SPAST: variants seen among roughly 807,000 people sequenced by gnomAD.
SPAST encodes the protein spastin.
SPAST carries 30 observed loss-of-function variants against 76.6 expected under a neutral mutation model. The ratio of observed to expected loss-of-function variants is 0.39; its 90% CI spans 0.29 to 0.53. The LOEUF (loss-of-function observed/expected upper bound fraction) is 0.53. Ranked by LOEUF, SPAST falls within the 20% of genes least tolerant of loss-of-function variation. SPAST has a pLI of 0.68. For synonymous variants in SPAST, 305 were observed against 281.0 expected, an observed-to-expected ratio of 1.09 and a Z score of -0.86; for missense variants, 717 against 770.5, an observed-to-expected ratio of 0.93 and a Z score of 0.82.
At chr2:32,131,671 CTTTTTTTTTTTT>C (rs541036416) in intron 9 of SPAST, among the ~76,000 whole-genome samples, 1 of 108,014 alleles carries the variant, frequency 9.3e-6, no homozygotes, top group African/African-American at 3.5e-5. Flanking sequence ...CAACCATTCT[CTTTTTTTTTTTT>C]TTTTTTTTTG....
At chr2:32,081,781 C>CAAAAAAAAAAAAAAAAAAAAAAAA (rs34078147) in intron 1 of SPAST, among the ~76,000 whole-genome samples, 6 of 44,380 alleles carry the variant, frequency 1.4e-4, no homozygotes, top group South Asian at 1.4e-3. Flanking sequence ...GAGACACTGT[C>CAAAAAAAAAAAAAAAAAAAAAAAA]AAAAAAAAAA....
At position 32,144,943 on chromosome 2, in the gene SPAST, T is replaced by A. The variant is rs758967973; in HGVS notation, c.1623T>A (p.Thr541=). 4 of 1,611,598 alleles carry A rather than the reference T, an allele frequency of 2.5e-6. No homozygotes were observed. The highest frequency in any genetic ancestry group is 3.4e-6 in the Non-Finnish European group (4 of 1,178,430). The part of the protein sequence containing the change: ...QKELAQLARM[T]DGYSGSDLTA... ...TCTTCCTTCCCTTCCTCAGAATGAC[T>A]GATGGATACTCAGGAAGTGACCTAA... The change falls in exon 15 of 17, where the codon ACT becomes ACA. Residue 541 remains threonine (T), a synonymous_variant. Transcript: ENST00000315285.
chr2:32,079,116 C>A (rs570364004), intron 1 of SPAST, among the ~76,000 whole-genome samples: 1 of 152,098 alleles, frequency 6.6e-6, no homozygotes, highest in Non-Finnish European at 1.5e-5. Flanking sequence ...GTTGAGAGAA[C>A]AGGTGTGAAC....
rs1250597004 is a variant in SPAST, at chr2:32,156,725, A to G, written c.*2229A>G. On this transcript the variant is annotated 3_prime_UTR_variant, in exon 17 of 17. Coordinates refer to ENST00000315285, the MANE Select transcript of SPAST (RefSeq NM_014946.4). Reference sequence around the variant, plus strand: ...TAAAGGACTATGTGGTTCCAGCTCAACTTTTAATATATTGTCTCCTTTAAA... The same window carrying G: ...TAAAGGACTATGTGGTTCCAGCTCAGCTTTTAATATATTGTCTCCTTTAAA... 1.3e-5 allele frequency: 2 copies of G among 152,228 alleles called. No individual in the cohort carries two copies. Among genetic ancestry groups the G allele is most frequent in the Non-Finnish European group, 2.9e-5 (2 of 68,032 alleles). The allele number at this position is 152,228 out of a possible 1,614,324, so 9.4% of individuals were successfully genotyped here.
intron 4 of SPAST, among the ~76,000 whole-genome samples, chr2:32,113,932 G>T (rs1573116775): frequency 6.6e-6 from 1 of 150,646 alleles, no homozygotes; most frequent in African/African-American, 2.4e-5. Context: ...TAAAAATACT[G>T]TTTTTTGTTT....
chr2:32,063,698 C>A lies in SPAST; in HGVS notation c.-134C>A. On this transcript the variant is annotated 5_prime_UTR_variant, in exon 1 of 17. Coordinates refer to ENST00000315285, the MANE Select transcript of SPAST (RefSeq NM_014946.4). ...GGCGGGGCCGGCGGGCAGCGTGCGG[C>A]AGTGCGGAGCTCCTGAGACCGGCGG... The A allele has an allele frequency of 8.4e-7, 1 of 1,186,810 alleles. No individual in the cohort carries two copies. The highest frequency in any genetic ancestry group is 1.2e-6 in the Non-Finnish European group (1 of 862,400). 73.5% of individuals were successfully genotyped at this position (1,186,810 alleles called of 1,614,324 possible).
intron 4 of SPAST, among the ~76,000 whole-genome samples, chr2:32,109,812 A>G (rs1478251736): frequency 1.3e-5 from 2 of 149,102 alleles, no homozygotes; most frequent in East Asian, 3.9e-4. Flanking sequence ...ATGTATACAC[A>G]CATACATATA....
At chr2:32,068,199 C>T (rs9751348) in intron 1 of SPAST, among the ~76,000 whole-genome samples, 2,594 of 152,008 alleles carry the variant, frequency 0.017, 93 homozygotes, top group African/African-American at 0.06. Flanking sequence ...AGGATGGTCT[C>T]GATCTCCTGA....
intron 1 of SPAST, among the ~76,000 whole-genome samples, chr2:32,071,708 T>A (rs1213575812): frequency 6.6e-6 from 1 of 152,244 alleles, no homozygotes; most frequent in Non-Finnish European, 1.5e-5. Context: ...ATTTTCTGAT[T>A]GGCAATTGGT....
chr2:32,147,324 A>C, intron 16 of SPAST, 66 bp downstream of exon 16: 1 of 777,222 alleles, frequency 1.3e-6, no homozygotes, highest in Non-Finnish European at 2.2e-6. Context: ...AGACATACAT[A>C]TATGAATGTG....
chr2:32,117,817 C>T (rs935996901), intron 7 of SPAST, among the ~76,000 whole-genome samples: 9 of 152,098 alleles, frequency 5.9e-5, no homozygotes, highest in African/African-American at 1.9e-4. Context: ...CAGGCAGAGG[C>T]CACTGTGCCT....
At position 32,063,878 on chromosome 2, in the gene SPAST, C is replaced by T. The variant is rs770931525; in HGVS notation, c.47C>T (p.Ala16Val). Residue 16 changes from alanine (A) to valine (V), a missense_variant, in exon 1 of 17, where the codon GCC becomes GTC. Ala to Val is a moderately conservative substitution (Grantham distance 64). Around this residue, in one of 3 missense-constraint regions of SPAST, gnomAD observed 543 missense variants for 445.2 expected, o/e 1.22. Transcript: ENST00000315285. ...GRGKKKGSGG[A>V]SNPVPPRPPP... is the part of the protein sequence containing the mutation. ...GGGAAGAAGAAAGGCTCCGGCGGCGCCAGCAACCCGGTGCCTCCCAGGCCT... is the reference window on the plus strand; with the variant it reads ...GGGAAGAAGAAAGGCTCCGGCGGCGTCAGCAACCCGGTGCCTCCCAGGCCT... 2 of 1,585,298 alleles carry T rather than the reference C, an allele frequency of 1.3e-6. No individual in the cohort carries two copies. The highest frequency in any genetic ancestry group is 2.3e-5 in the East Asian group (1 of 43,834).
chr2:32,120,734 A>C (rs570399131), intron 7 of SPAST, among the ~76,000 whole-genome samples: 3 of 152,056 alleles, frequency 2.0e-5, no homozygotes, highest in African/African-American at 7.2e-5. Context: ...TTTATTATGT[A>C]TCTCCTGTCT....
rs1309875154 is a variant in SPAST at position 32,157,210 on chromosome 2, CTT to C, written c.*2715_*2716del. 1 of 152,588 alleles carries C rather than the reference CTT, an allele frequency of 6.6e-6. No homozygotes were observed. Among genetic ancestry groups the C allele is most frequent in the African/African-American group, 2.4e-5 (1 of 41,438 alleles). The allele number at this position is 152,588 out of a possible 1,614,324, so 9.5% of individuals were successfully genotyped here. On this transcript the variant is annotated 3_prime_UTR_variant, in exon 17 of 17. Transcript: ENST00000315285. Reference sequence around the variant, plus strand: ...CAGAGTTTTGTAAACTAAATTAAAACTTACTGATATATTGGACTTTGAGCCAA... The same window carrying C: ...CAGAGTTTTGTAAACTAAATTAAAACACTGATATATTGGACTTTGAGCCAA...
At chr2:32,127,232 C>T (rs956554934) in intron 8 of SPAST, 9 of 541,156 alleles carry the variant, frequency 1.7e-5, no homozygotes, top group Non-Finnish European at 2.7e-5. Flanking sequence ...ATTTTCATGC[C>T]TCAGCCTCCC....
At chr2:32,132,529 CTTTT>C (rs34112329) in intron 9 of SPAST, among the ~76,000 whole-genome samples, 2 of 148,134 alleles carry the variant, frequency 1.4e-5, no homozygotes, top group African/African-American at 5.0e-5. Context: ...AAAACTCAAT[CTTTT>C]TTTTTTTTTA....
chr2:32,117,932 T>G (rs1262973172), intron 7 of SPAST, among the ~76,000 whole-genome samples: 1 of 152,184 alleles, frequency 6.6e-6, no homozygotes, highest in Non-Finnish European at 1.5e-5. Context: ...CCATCCCATA[T>G]TTTATGACTT....
At chr2:32,125,509 C>T (rs750064643) in intron 7 of SPAST, among the ~76,000 whole-genome samples, 1 of 152,118 alleles carries the variant, frequency 6.6e-6, no homozygotes, top group African/African-American at 2.4e-5. Context: ...AGGCGTGAGC[C>T]ACTGCGCCCA....
chr2:32,066,693 G>A (rs984481769), intron 1 of SPAST, among the ~76,000 whole-genome samples: 2 of 151,888 alleles, frequency 1.3e-5, no homozygotes, highest in African/African-American at 4.8e-5. Context: ...GTCATTTTTG[G>A]CTGGGCACGG....
Sources: allele counts gnomAD v4.1 joint callset (sites outside exome capture counted in the v4.1 genomes callset), GRCh38; gene constraint gnomAD v4.1.1; regional missense constraint gnomAD v4.1.1; transcripts MANE v1.5; gene names NCBI Gene and HGNC (gene_info 2026-07-23, HGNC 2026-07-21).